Variants in TM9SF4 observed in about 807,000 individuals in gnomAD.
TM9SF4 encodes dinucleotide oxidase disulfide thiol exchanger 3 superfamily member 4.
In TM9SF4, 26 loss-of-function variants were observed where a neutral mutation model predicts 90.4. The observed-to-expected ratio is 0.29, with a 90% CI of 0.21 to 0.40. TM9SF4 has a LOEUF of 0.40. Ranked by LOEUF, TM9SF4 falls within the 10% of genes least tolerant of loss-of-function variation. The pLI is 1.00. For synonymous variants in TM9SF4, 293 were observed against 315.4 expected (o/e 0.93, Z 0.75); for missense variants, 549 against 834.8 (o/e 0.66, Z 4.22).
At chr20:32,153,323 G>A (rs1046299611) in intron 12 of TM9SF4, among the ~76,000 whole-genome samples, 7 of 152,240 alleles carry the variant, frequency 4.6e-5, no homozygotes, top group Non-Finnish European at 1.0e-4. Flanking sequence ...TGGGTGCAGG[G>A]CTGTGAGCCA....
At chr20:32,113,812 C>T (rs916454500) in intron 1 of TM9SF4, among the ~76,000 whole-genome samples, 1 of 152,178 alleles carries the variant, frequency 6.6e-6, no homozygotes, top group Non-Finnish European at 1.5e-5. Flanking sequence ...GAGAGTCACT[C>T]CCTACTCTTC....
chr20:32,133,453 C>T (rs1339491653), intron 2 of TM9SF4, among the ~76,000 whole-genome samples: 1 of 152,186 alleles, frequency 6.6e-6, no homozygotes, highest in African/African-American at 2.4e-5. Flanking sequence ...CCTGCCTCTT[C>T]TTTAGCATCT....
chr20:32,132,980 C>A, intron 1 of TM9SF4, 33 bp from the exon 2 acceptor site: 1 of 1,596,884 alleles, frequency 6.3e-7, no homozygotes, highest in Non-Finnish European at 8.6e-7. Flanking sequence ...CACTTCTTCT[C>A]CCCAATCCAA....
chr20:32,118,407 A>G (rs572445144), intron 1 of TM9SF4, among the ~76,000 whole-genome samples: 1 of 152,142 alleles, frequency 6.6e-6, no homozygotes, highest in South Asian at 2.1e-4. Context: ...ACTTCTTAAA[A>G]TATAAATGAA....
At chr20:32,129,102 A>C (rs149279646) in intron 1 of TM9SF4, among the ~76,000 whole-genome samples, 184 of 146,552 alleles carry the variant, frequency 1.3e-3, no homozygotes, top group African/African-American at 3.6e-3. Flanking sequence ...TTGCCTCCTA[A>C]ATATTTTTCC....
intron 6 of TM9SF4, among the ~76,000 whole-genome samples, chr20:32,143,549 A>G (rs980530045): frequency 6.6e-6 from 1 of 152,208 alleles, no homozygotes; most frequent in African/African-American, 2.4e-5. Context: ...AGTGATTGGC[A>G]TAAACTAAAA....
At chr20:32,156,747 A>G (rs1353080394) in intron 13 of TM9SF4, among the ~76,000 whole-genome samples, 2 of 151,348 alleles carry the variant, frequency 1.3e-5, no homozygotes, top group Non-Finnish European at 2.9e-5. Flanking sequence ...AGCTGGGACT[A>G]CAGGTGTCAC....
At chr20:32,138,060 C>G (rs2046619052) in intron 3 of TM9SF4, among the ~76,000 whole-genome samples, 1 of 152,188 alleles carries the variant, frequency 6.6e-6, no homozygotes, top group Non-Finnish European at 1.5e-5. Context: ...GTTTGAAAGA[C>G]TTAGTCAGGG....
chr20:32,152,610 C>T (rs868843631), intron 12 of TM9SF4, among the ~76,000 whole-genome samples: 16 of 152,148 alleles, frequency 1.1e-4, no homozygotes, highest in African/African-American at 3.9e-4. Flanking sequence ...CTGACCCTTC[C>T]CTGGTGCCTT....
intron 1 of TM9SF4, among the ~76,000 whole-genome samples, chr20:32,121,348 G>GGCCTTCTGCA (rs1307569911): frequency 1.3e-5 from 2 of 151,864 alleles, no homozygotes; most frequent in Non-Finnish European, 2.9e-5. Flanking sequence ...AGGACCCTGC[G>GGCCTTCTGCA]GCCTTCTGCA....
chr20:32,147,858 G>GA (rs74194241), intron 9 of TM9SF4, among the ~76,000 whole-genome samples: 16,418 of 124,570 alleles, frequency 0.13, 1,100 homozygotes, highest in East Asian at 0.18. Flanking sequence ...GTCTCCAAAG[G>GA]AAAAAAAAAA....
At chr20:32,142,650 T>A (rs2046698481) in intron 5 of TM9SF4, among the ~76,000 whole-genome samples, 1 of 151,858 alleles carries the variant, frequency 6.6e-6, no homozygotes, top group African/African-American at 2.4e-5. Context: ...GAGTTGGGGG[T>A]GGCATTCTAG....
intron 1 of TM9SF4, among the ~76,000 whole-genome samples, chr20:32,128,790 CTGTGTGTGTGTGTG>C (rs55977888): frequency 9.6e-5 from 14 of 145,366 alleles, no homozygotes; most frequent in African/African-American, 2.8e-4. Flanking sequence ...GTATTCCATT[CTGTGTGTGTGTGTG>C]TGTGTGTGTG....
At chr20:32,154,845 C>T (rs568480576) in intron 12 of TM9SF4, among the ~76,000 whole-genome samples, 102 of 152,260 alleles carry the variant, frequency 6.7e-4, no homozygotes, top group Non-Finnish European at 1.1e-3. Context: ...TGGGGATAGG[C>T]GGATATTGAT....
rs764628406 is a variant in TM9SF4, at chr20:32,166,509, ACTT to A, written c.*1069_*1071del. The A allele has an allele frequency of 2.0e-5, 3 of 152,116 alleles. No homozygotes were observed. Among genetic ancestry groups the A allele is most frequent in the Non-Finnish European group, 4.4e-5 (3 of 68,064 alleles). The allele number at this position is 152,116 out of a possible 1,614,324, so 9.4% of individuals were successfully genotyped here. Reference sequence around the variant, plus strand: ...CTCTCTGGCCTCTGGGGTCATACTCACTTCTTTAGCCAGCCCCATCCCCTCCAC... The same window carrying A: ...CTCTCTGGCCTCTGGGGTCATACTCACTTTAGCCAGCCCCATCCCCTCCAC... On this transcript the variant is annotated 3_prime_UTR_variant, in exon 18 of 18. Transcript: ENST00000398022.
At chr20:32,127,652 G>T (rs1325057370) in intron 1 of TM9SF4, among the ~76,000 whole-genome samples, 1 of 152,076 alleles carries the variant, frequency 6.6e-6, no homozygotes, top group Non-Finnish European at 1.5e-5. Flanking sequence ...GTTTTTTTAT[G>T]TGTATACTTG....
chr20:32,147,597 TATCTC>T (rs1322918963), intron 9 of TM9SF4, among the ~76,000 whole-genome samples: 3 of 152,166 alleles, frequency 2.0e-5, no homozygotes, highest in Non-Finnish European at 4.4e-5. Flanking sequence ...TCACACCTGT[TATCTC>T]AGCACTTTGG....
intron 1 of TM9SF4, among the ~76,000 whole-genome samples, chr20:32,120,392 T>C (rs2046286049): frequency 8.3e-6 from 1 of 120,132 alleles, no homozygotes; most frequent in Non-Finnish European, 1.7e-5. Flanking sequence ...TACTAAGTGG[T>C]GCGTTTTTTT....
intron 1 of TM9SF4, among the ~76,000 whole-genome samples, chr20:32,128,677 G>T (rs145822576): frequency 7.9e-5 from 12 of 152,260 alleles, no homozygotes; most frequent in Non-Finnish European, 1.8e-4. Context: ...AGGACATGCA[G>T]TATTTGACGT....
Sources: allele counts gnomAD v4.1 joint callset (sites outside exome capture counted in the v4.1 genomes callset), GRCh38; gene constraint gnomAD v4.1.1; transcripts MANE v1.5; gene names NCBI Gene and HGNC (gene_info 2026-07-23, HGNC 2026-07-21).